Variants in SPON1 observed in about 807,000 individuals in gnomAD.
The protein encoded by SPON1 is spondin 1, also known as spondin-1.
A neutral mutation model predicts 111.7 loss-of-function variants in SPON1; 52 were observed. The ratio of observed to expected loss-of-function variants is 0.47; its 90% CI spans 0.37 to 0.59. The LOEUF (loss-of-function observed/expected upper bound fraction) is 0.59, where lower values mean the gene tolerates loss of function less well. Ranked by LOEUF, SPON1 falls within the 20% of genes least tolerant of loss-of-function variation. The probability of loss-of-function intolerance (pLI) is 0.00; values close to 1 mark genes in which losing one functional copy is unlikely to be tolerated. For synonymous variants in SPON1, 410 were observed against 395.8 expected (o/e 1.04, Z -0.43); for missense variants, 957 against 1,068.5 (o/e 0.90, Z 1.46).
At chr11:14,033,092 G>A (rs1172675427) in intron 2 of SPON1, among the ~76,000 whole-genome samples, 1 of 152,138 alleles carries the variant, frequency 6.6e-6, no homozygotes, top group East Asian at 1.9e-4. Flanking sequence ...CCAAGGCCCA[G>A]TTTCTAAGAC....
chr11:14,063,216 G>T (rs1554920039), intron 3 of SPON1, among the ~76,000 whole-genome samples: 1 of 152,066 alleles, frequency 6.6e-6, no homozygotes, highest in African/African-American at 2.4e-5. Context: ...AAAACAATTT[G>T]CAGTACCTTG....
chr11:14,161,192 T>G (rs1291014096), intron 6 of SPON1, among the ~76,000 whole-genome samples: 4 of 119,516 alleles, frequency 3.3e-5, no homozygotes, highest in Non-Finnish European at 6.7e-5. Context: ...TTTATATATC[T>G]ATATATATTT....
chr11:14,085,666 T>C (rs553171400), intron 5 of SPON1, among the ~76,000 whole-genome samples: 1 of 152,338 alleles, frequency 6.6e-6, no homozygotes, highest in African/African-American at 2.4e-5. Flanking sequence ...TTAAAGTAGT[T>C]TTTTCTAGTT....
intron 6 of SPON1, among the ~76,000 whole-genome samples, chr11:14,236,061 G>A (rs1208964126): frequency 6.6e-6 from 1 of 152,194 alleles, no homozygotes; most frequent in Non-Finnish European, 1.5e-5. Flanking sequence ...ACCAGAGCAA[G>A]GTCCTGTCTG....
intron 3 of SPON1, among the ~76,000 whole-genome samples, chr11:14,072,088 A>G (rs1488136281): frequency 2.0e-5 from 3 of 152,190 alleles, no homozygotes; most frequent in African/African-American, 7.2e-5. Context: ...TCTGATATCT[A>G]AAAGTTTCTG....
At position 14,257,830 on chromosome 11, in the gene SPON1, A is replaced by C; in HGVS notation, c.1424A>C (p.Asp475Ala). 1 of 1,601,012 alleles carries C rather than the reference A, an allele frequency of 6.2e-7. No homozygotes were observed. Among genetic ancestry groups the C allele is most frequent in the Non-Finnish European group, 8.5e-7 (1 of 1,174,012 alleles). ...CAGCGCATGCTGAAAGCACAGCTGG[A>C]CCTCAGCGTCCCCTGCCCTGACACC... ...MRQRMLKAQLDLSVPCPDTQD... is the reference protein window; with the variant it reads ...MRQRMLKAQLALSVPCPDTQD... The change falls in exon 11 of 16, where the codon GAC becomes GCC. Residue 475 changes from aspartate (D) to alanine (A), a missense_variant. Transcript: ENST00000576479.
chr11:14,136,349 T>G (rs1477784288), intron 6 of SPON1, among the ~76,000 whole-genome samples: 1 of 152,198 alleles, frequency 6.6e-6, no homozygotes, highest in East Asian at 1.9e-4. Context: ...GCCCACCAAG[T>G]GCTCTGGAGG....
At chr11:14,161,442 C>G (rs1435309723) in intron 6 of SPON1, among the ~76,000 whole-genome samples, 1 of 150,328 alleles carries the variant, frequency 6.7e-6, no homozygotes, top group Non-Finnish European at 1.5e-5. Context: ...CCTTAGCCTC[C>G]CAAGTAGCTG....
At chr11:14,038,996 C>T (rs1206130758) in intron 2 of SPON1, among the ~76,000 whole-genome samples, 1 of 152,136 alleles carries the variant, frequency 6.6e-6, no homozygotes, top group East Asian at 1.9e-4. Flanking sequence ...TTCAGACAAT[C>T]AGATGTCATT....
intron 2 of SPON1, among the ~76,000 whole-genome samples, chr11:14,032,522 C>G (rs1179745737): frequency 6.6e-6 from 1 of 152,184 alleles, no homozygotes; most frequent in Non-Finnish European, 1.5e-5. Flanking sequence ...ATACCGAGGG[C>G]CTGTTAACAG....
intron 2 of SPON1, among the ~76,000 whole-genome samples, chr11:14,001,228 G>T (rs1194063686): frequency 6.6e-6 from 1 of 152,144 alleles, no homozygotes; most frequent in Non-Finnish European, 1.5e-5. Flanking sequence ...CTAGCTACAG[G>T]CTGAGTGTAG....
At chr11:14,027,217 A>G (rs527610064) in intron 2 of SPON1, among the ~76,000 whole-genome samples, 2 of 152,352 alleles carry the variant, frequency 1.3e-5, no homozygotes, top group African/African-American at 4.8e-5. Context: ...AGCTGCAAAC[A>G]AAATCTGGCT....
chr11:14,129,459 G>A (rs930311201), intron 5 of SPON1, among the ~76,000 whole-genome samples: 3 of 151,954 alleles, frequency 2.0e-5, no homozygotes, highest in Admixed American at 6.6e-5. Context: ...GTTTACTCCC[G>A]TTCCCAAGAA....
chr11:14,233,669 C>G (rs190526611), intron 6 of SPON1, among the ~76,000 whole-genome samples: 77 of 151,872 alleles, frequency 5.1e-4, no homozygotes, highest in African/African-American at 1.9e-3. Context: ...GGCCCCTGCT[C>G]TAATGCTGGC....
intron 6 of SPON1, among the ~76,000 whole-genome samples, chr11:14,176,437 G>A (rs1554933088): frequency 6.6e-6 from 1 of 152,076 alleles, no homozygotes; most frequent in African/African-American, 2.4e-5. Context: ...GAGCCGAACA[G>A]ACACCCTGCA....
intron 6 of SPON1, among the ~76,000 whole-genome samples, chr11:14,136,954 A>G (rs1347598312): frequency 6.6e-6 from 1 of 152,158 alleles, no homozygotes; most frequent in Non-Finnish European, 1.5e-5. Context: ...CTGGAGGTTC[A>G]CATTCCCAGT....
intron 6 of SPON1, among the ~76,000 whole-genome samples, chr11:14,198,484 A>G (rs1554935290): frequency 6.6e-6 from 1 of 152,222 alleles, no homozygotes; most frequent in East Asian, 1.9e-4. Context: ...TGAAAAGATG[A>G]TATATTTGAA....
At chr11:14,090,321 GGATTGCAAAAAC>G (rs1564902796) in intron 5 of SPON1, among the ~76,000 whole-genome samples, 1 of 152,114 alleles carries the variant, frequency 6.6e-6, no homozygotes, top group African/African-American at 2.4e-5. Flanking sequence ...CTTGGTCTGC[GGATTGCAAAAAC>G]TATGGGAAAA....
In SPON1 at chr11:14,160,997, A is replaced by ATATATTTATATATATTTTTC. The variant is rs1847941191; in HGVS notation, c.825+25442_825+25443insATTTTTCTATATTTATATAT. Among the ~76,000 whole-genome samples the ATATATTTATATATATTTTTC allele has an allele frequency of 3.6e-5, 3 of 83,216 alleles. 1 individual carries two copies. The highest frequency in any genetic ancestry group is 1.5e-4 in the African/African-American group (3 of 19,422). The allele number at this position is 83,216 out of a possible 152,430, so 54.6% of individuals were successfully genotyped here. A position where few individuals can be genotyped will look rare whatever the true frequency, so the allele number is the denominator to read the frequency against. On this transcript the variant is annotated intron_variant, in intron 6 of 15. Coordinates refer to ENST00000576479, the MANE Select transcript of SPON1 (RefSeq NM_006108.4). ...TTTTTATATATTTATATATATTTTTATATATTTATATATTTATATATCTAT... is the reference window on the plus strand; with the variant it reads ...TTTTTATATATTTATATATATTTTTATATATTTATATATATTTTTCTATATTTATATATTTATATATCTAT...
Sources: allele counts gnomAD v4.1 joint callset (sites outside exome capture counted in the v4.1 genomes callset), GRCh38; gene constraint gnomAD v4.1.1; transcripts MANE v1.5; gene names NCBI Gene and HGNC (gene_info 2026-07-23, HGNC 2026-07-21).